Variants in TMEM132D observed in about 807,000 individuals in gnomAD.
TMEM132D encodes the protein mature OL transmembrane protein.
Under a neutral mutation model 62.3 loss-of-function variants are expected in TMEM132D, and 21 were observed. The observed-to-expected ratio is 0.34, with a 90% confidence interval of 0.24 to 0.49. The LOEUF (loss-of-function observed/expected upper bound fraction) is 0.49, where lower values mean the gene tolerates loss of function less well. TMEM132D is among the 20% of genes least tolerant of loss of function. The probability of loss-of-function intolerance (pLI) is 0.99; values close to 1 mark genes in which losing one functional copy is unlikely to be tolerated. For synonymous variants in TMEM132D, 621 were observed against 575.6 expected (o/e 1.08, Z -1.13); for missense variants, 1,346 against 1,402.8 (o/e 0.96, Z 0.65).
At chr12:129,623,704 C>CATACAT (rs1565926898) in intron 2 of TMEM132D, among the ~76,000 whole-genome samples, 1 of 139,736 alleles carries the variant, frequency 7.2e-6, no homozygotes, top group African/African-American at 3.0e-5. Flanking sequence ...CATATATATA[C>CATACAT]ATACATATGC....
intron 3 of TMEM132D, among the ~76,000 whole-genome samples, chr12:129,455,126 C>T (rs1873426152): frequency 6.6e-6 from 1 of 152,170 alleles, no homozygotes; most frequent in Non-Finnish European, 1.5e-5. Context: ...TGCGTCTATC[C>T]AATAAGCATG....
Position 129,337,651 on chromosome 12 carries a change from C to T in TMEM132D, c.1282G>A (p.Val428Ile). The T allele has an allele frequency of 6.2e-7, 1 of 1,614,062 alleles. No homozygotes were observed. Among genetic ancestry groups the T allele is most frequent in the East Asian group, 2.2e-5 (1 of 44,850 alleles). The part of the protein sequence containing the change: ...IYVSPKDLIG[V>I]VPLAMEAEIL... ...TTGCTTACCATAGCCAGCGGCACAACTCCAATCAAGTCCTTTGGGCTCACA... is the reference window on the plus strand; with the variant it reads ...TTGCTTACCATAGCCAGCGGCACAATTCCAATCAAGTCCTTTGGGCTCACA... Residue 428 changes from valine to isoleucine, a missense_variant, in exon 4 of 9, where the codon GTT (valine) becomes ATT (isoleucine). By Grantham distance (29) the Val-to-Ile change is conservative. Transcript: ENST00000422113.
intron 1 of TMEM132D, among the ~76,000 whole-genome samples, chr12:129,811,209 CAAT>C (rs1178057770): frequency 6.7e-6 from 1 of 150,070 alleles, no homozygotes; most frequent in Non-Finnish European, 1.5e-5. Context: ...TAAAAATGTA[CAAT>C]ATTATAAAGA....
rs186268212 is a variant in TMEM132D at position 129,693,903 on chromosome 12, T to G, written c.968+5907A>C. Among the ~76,000 whole-genome samples the G allele has an allele frequency of 6.8e-3, 1,034 of 152,260 alleles. 4 individuals carry two copies. Among genetic ancestry groups the G allele is most frequent in the Non-Finnish European group, 0.011 (774 of 68,030 alleles). On this transcript the variant is annotated intron_variant, in intron 2 of 8. Transcript: ENST00000422113. ...GCACCCAGAGGACCTCCCCCAGACA[T>G]GCTTCCTAGTAACACCTCTTCCCAC... is the stretch of plus-strand genomic sequence containing the variant.
intron 1 of TMEM132D, among the ~76,000 whole-genome samples, chr12:129,839,117 A>ATTTTTTTTTTTTT (rs71085578): frequency 0.017 from 348 of 20,708 alleles, 136 homozygotes; most frequent in Non-Finnish European, 0.021. Context: ...CGCCTGGCTA[A>ATTTTTTTTTTTTT]TTTTTTTTTT....
At chr12:129,626,582 C>T (rs142355124) in intron 2 of TMEM132D, among the ~76,000 whole-genome samples, 390 of 152,094 alleles carry the variant, frequency 2.6e-3, no homozygotes, top group African/African-American at 8.7e-3. Flanking sequence ...CTCAGACTCC[C>T]GAGTAGCTGC....
intron 2 of TMEM132D, among the ~76,000 whole-genome samples, chr12:129,616,140 A>G (rs1169311903): frequency 6.6e-6 from 1 of 152,248 alleles, no homozygotes; most frequent in African/African-American, 2.4e-5. Context: ...AGCCAAAATT[A>G]TAGTTTCACT....
At chr12:129,313,757 C>A (rs1297388809) in intron 4 of TMEM132D, among the ~76,000 whole-genome samples, 1 of 152,152 alleles carries the variant, frequency 6.6e-6, no homozygotes, top group African/African-American at 2.4e-5. Context: ...AATGGTAGCT[C>A]TACTTTTAGT....
At chr12:129,630,098 C>T (rs1879316272) in intron 2 of TMEM132D, among the ~76,000 whole-genome samples, 1 of 152,174 alleles carries the variant, frequency 6.6e-6, no homozygotes, top group African/African-American at 2.4e-5. Flanking sequence ...TTGCACATGA[C>T]CTCCACATGT....
At chr12:129,834,853 T>C (rs1323420134) in intron 1 of TMEM132D, among the ~76,000 whole-genome samples, 1 of 152,186 alleles carries the variant, frequency 6.6e-6, no homozygotes, top group Non-Finnish European at 1.5e-5. Flanking sequence ...ACTTGGGGCA[T>C]GGTGGATGGA....
chr12:129,375,868 A>C (rs1870765935), intron 3 of TMEM132D, among the ~76,000 whole-genome samples: 1 of 152,212 alleles, frequency 6.6e-6, no homozygotes, highest in Non-Finnish European at 1.5e-5. Flanking sequence ...ATAAGCTGAG[A>C]GTTTTACAAA....
chr12:129,871,277 T>C (rs1424696338), intron 1 of TMEM132D, among the ~76,000 whole-genome samples: 1 of 152,144 alleles, frequency 6.6e-6, no homozygotes, highest in Admixed American at 6.5e-5. Flanking sequence ...ATGCTGAAGT[T>C]GCTGGGAGGA....
intron 3 of TMEM132D, among the ~76,000 whole-genome samples, chr12:129,463,987 C>T (rs1034646341): frequency 1.1e-4 from 17 of 150,090 alleles, no homozygotes; most frequent in East Asian, 7.8e-4. Flanking sequence ...TGGGTATACA[C>T]CCAGTAATGG....
intron 3 of TMEM132D, among the ~76,000 whole-genome samples, chr12:129,454,611 G>A (rs1873401800): frequency 6.6e-6 from 1 of 152,210 alleles, no homozygotes; most frequent in Admixed American, 6.5e-5. Context: ...TTGAGTTCAT[G>A]TGTAAGTCAA....
chr12:129,598,192 T>C (rs1878390692), intron 2 of TMEM132D, among the ~76,000 whole-genome samples: 1 of 152,214 alleles, frequency 6.6e-6, no homozygotes, highest in Non-Finnish European at 1.5e-5. Flanking sequence ...TTTTCACACA[T>C]TACATCTTCC....
intron 2 of TMEM132D, among the ~76,000 whole-genome samples, chr12:129,695,613 C>G (rs1212235649): frequency 6.6e-6 from 1 of 152,230 alleles, no homozygotes; most frequent in African/African-American, 2.4e-5. Flanking sequence ...AGGAAAATGC[C>G]TCATCTCATG....
intron 4 of TMEM132D, among the ~76,000 whole-genome samples, chr12:129,269,232 T>A (rs1880785390): frequency 6.6e-6 from 1 of 152,200 alleles, no homozygotes. Flanking sequence ...TCTTTCTTTT[T>A]ACTTGGATCT....
intron 3 of TMEM132D, among the ~76,000 whole-genome samples, chr12:129,464,607 T>C (rs368503212): frequency 6.6e-6 from 1 of 152,194 alleles, no homozygotes; most frequent in African/African-American, 2.4e-5. Flanking sequence ...GGTTTTAGGT[T>C]TAACATTTAA....
chr12:129,415,898 C>T (rs1446633035), intron 3 of TMEM132D, among the ~76,000 whole-genome samples: 1 of 152,162 alleles, frequency 6.6e-6, no homozygotes, highest in East Asian at 1.9e-4. Flanking sequence ...GATCTTTGCT[C>T]TTCTCTGTTA....
Sources: gnomAD v4.1 joint callset for allele counts (sites outside exome capture counted in the v4.1 genomes callset) on GRCh38, gnomAD v4.1.1 for gene constraint, MANE v1.5 for transcripts, NCBI Gene and HGNC (gene_info 2026-07-23, HGNC 2026-07-21) for gene names.